The following DMD variants were observed in gnomAD, a reference collection of about 807,000 sequenced individuals.
DMD encodes dystrophin, also known as mutant dystrophin.
DMD carries 63 observed loss-of-function variants against 330.1 expected under a neutral mutation model. The observed-to-expected ratio is 0.19, with a 90% CI of 0.16 to 0.24. The LOEUF (loss-of-function observed/expected upper bound fraction) is 0.24, where lower values mean the gene tolerates loss of function less well. Ranked by LOEUF, DMD falls within the 10% of genes least tolerant of loss-of-function variation. The pLI, the probability that DMD is intolerant of heterozygous loss-of-function variation, is 1.00. For synonymous variants in DMD, 1,223 were observed against 959.8 expected (o/e 1.27, Z -5.07); for missense variants, 3,344 against 2,684.1 (o/e 1.25, Z -5.43).
chrX:31,151,556 T>C (rs2037419788), intron 74 of DMD, among the ~76,000 whole-genome samples: 1 of 112,335 alleles, frequency 8.9e-6, no homozygotes, highest in East Asian at 2.8e-4. Context: ...GATTTATTTA[T>C]AAGGACCCTT....
intron 62 of DMD, among the ~76,000 whole-genome samples, chrX:31,267,311 GA>G (rs1213999318): frequency 2.7e-5 from 3 of 111,208 alleles, no homozygotes; most frequent in Non-Finnish European, 5.7e-5. Context: ...AAAAATAAAA[GA>G]AAAAAATTAT....
chrX:32,486,418 A>T (rs2042472840), intron 20 of DMD, among the ~76,000 whole-genome samples: 1 of 111,666 alleles, frequency 9.0e-6, no homozygotes, highest in Non-Finnish European at 1.9e-5. Flanking sequence ...GACCATTTTA[A>T]ATTACATATG....
At chrX:31,626,534 T>C (rs987099928) in intron 55 of DMD, among the ~76,000 whole-genome samples, 1 of 110,795 alleles carries the variant, frequency 9.0e-6, no homozygotes, top group Non-Finnish European at 1.9e-5. Context: ...TCAAACTAAC[T>C]CAACACGCAT....
At chrX:32,440,920 G>C (rs183061473) in intron 28 of DMD, among the ~76,000 whole-genome samples, 328 of 110,989 alleles carry the variant, frequency 3.0e-3, no homozygotes, top group African/African-American at 9.7e-3. Flanking sequence ...ATTTAATTAG[G>C]TGAAGCATCT....
At chrX:32,954,477 A>G (rs1257752160) in intron 2 of DMD, among the ~76,000 whole-genome samples, 1 of 111,947 alleles carries the variant, frequency 8.9e-6, no homozygotes, top group East Asian at 2.8e-4. Flanking sequence ...CAGTGAGACT[A>G]TTGTAAAATT....
intron 7 of DMD, among the ~76,000 whole-genome samples, chrX:32,752,527 G>A (rs1024506869): frequency 9.4e-6 from 1 of 106,427 alleles, no homozygotes; most frequent in African/African-American, 3.5e-5. Flanking sequence ...AGGCTCACAG[G>A]CAGAAGGAAA....
At chrX:32,516,784 C>G (rs1436782639) in intron 18 of DMD, 1 of 111,430 alleles carries the variant, frequency 9.0e-6, no homozygotes, top group Non-Finnish European at 1.9e-5. Flanking sequence ...AAGAAGTATA[C>G]TTGAAAAAAG....
chrX:32,900,016 C>T (rs886410029), intron 2 of DMD, among the ~76,000 whole-genome samples: 1 of 111,807 alleles, frequency 8.9e-6, no homozygotes, highest in African/African-American at 3.2e-5. Context: ...TTTCTGATCT[C>T]TATGATCTCC....
intron 41 of DMD, among the ~76,000 whole-genome samples, chrX:32,323,612 T>A (rs2097633156): frequency 8.9e-6 from 1 of 111,820 alleles, no homozygotes. Flanking sequence ...TGTTCTTATT[T>A]AATTTTGGCG....
At chrX:31,181,384 A>G (rs1202505273) in intron 68 of DMD, among the ~76,000 whole-genome samples, 1 of 111,646 alleles carries the variant, frequency 9.0e-6, no homozygotes, top group African/African-American at 3.3e-5. Flanking sequence ...ATAAGGGCAA[A>G]AGAATTGAAG....
intron 62 of DMD, among the ~76,000 whole-genome samples, chrX:31,293,204 A>AGTGTGTGT (rs559104990): frequency 0.011 from 645 of 58,459 alleles, 16 homozygotes; most frequent in Middle Eastern, 0.036. Flanking sequence ...AGTCTGGTTT[A>AGTGTGTGT]GTGTGTGTGT....
At chrX:31,223,269 G>T in intron 63 of DMD, 148 bp from the exon 64 acceptor site, 1 of 528,779 alleles carries the variant, frequency 1.9e-6, no homozygotes, top group South Asian at 2.8e-5. Flanking sequence ...GCTTTCGGAG[G>T]TGAAAATTCT....
At chrX:33,140,990 G>T (rs769924224) in intron 1 of DMD, among the ~76,000 whole-genome samples, 1 of 111,598 alleles carries the variant, frequency 9.0e-6, no homozygotes, top group Non-Finnish European at 1.9e-5. Flanking sequence ...TTTTCCCCTA[G>T]ATAATAATTG....
At chrX:33,004,329 G>A (rs2093349952) in intron 2 of DMD, among the ~76,000 whole-genome samples, 1 of 111,257 alleles carries the variant, frequency 9.0e-6, no homozygotes, top group Non-Finnish European at 1.9e-5. Flanking sequence ...CACCCACTAT[G>A]TTCCTTGGCC....
chrX:31,499,489 C>CTTTTTTT (rs774151183), intron 56 of DMD, among the ~76,000 whole-genome samples: 23 of 83,635 alleles, frequency 2.8e-4, no homozygotes, highest in South Asian at 6.9e-4. Flanking sequence ...GAATTCAGTT[C>CTTTTTTT]TTTTTTTTTT....
intron 54 of DMD, among the ~76,000 whole-genome samples, chrX:31,632,783 G>A (rs1042899729): frequency 2.7e-5 from 3 of 111,854 alleles, no homozygotes; most frequent in Non-Finnish European, 5.7e-5. Flanking sequence ...CTACTAGTTT[G>A]CTAGTAAATT....
intron 42 of DMD, among the ~76,000 whole-genome samples, chrX:32,307,456 C>A (rs2097544699): frequency 9.0e-6 from 1 of 111,487 alleles, no homozygotes; most frequent in African/African-American, 3.3e-5. Flanking sequence ...TAGAGAGAGC[C>A]CTAAGGCAAA....
At chrX:33,319,105 A>G (rs923297171) in intron 1 of DMD, among the ~76,000 whole-genome samples, 4 of 109,982 alleles carry the variant, frequency 3.6e-5, no homozygotes, top group African/African-American at 1.3e-4. Context: ...GGTACCATCT[A>G]GTAGCTAGGA....
chrX:32,240,554 T>G (rs1413844846), intron 43 of DMD, among the ~76,000 whole-genome samples: 1 of 111,822 alleles, frequency 8.9e-6, no homozygotes, highest in African/African-American at 3.3e-5. Flanking sequence ...TATTTTGTTA[T>G]AGCAATAAAA....
Sources: gnomAD v4.1 joint callset for allele counts (sites outside exome capture counted in the v4.1 genomes callset) on GRCh38, gnomAD v4.1.1 for gene constraint, MANE v1.5 for transcripts, NCBI Gene and HGNC (gene_info 2026-07-23, HGNC 2026-07-21) for gene names.